KLC1: variants seen among roughly 807,000 people sequenced by gnomAD.
KLC1 encodes kinesin 2 60/70kDa.
KLC1 carries 30 observed loss-of-function variants against 84.2 expected under a neutral mutation model. The observed-to-expected ratio is 0.36, with a 90% CI of 0.27 to 0.48. KLC1 has a LOEUF of 0.48. Ranked by LOEUF, KLC1 falls within the 20% of genes least tolerant of loss-of-function variation. KLC1 has a pLI of 0.99. For missense variants in KLC1, 499 were observed against 805.4 expected (o/e 0.62, Z 4.60); for synonymous variants, 289 against 293.3 (o/e 0.99, Z 0.15).
chr14:103,699,644 T>A, intron 15 of KLC1: 1 of 1,532,464 alleles, frequency 6.5e-7, no homozygotes, highest in Non-Finnish European at 9.0e-7. Context: ...AGACCCCGTT[T>A]GGACTGTCAC....
At position 103,701,221 on chromosome 14, in the gene KLC1, T is replaced by G. The variant is rs376462874; in HGVS notation, c.*22T>G. The stretch of plus-strand genomic sequence containing the variant: ...TGCAGTGACCCCGACCTGGCCCCGC[T>G]CCAGGATGGGACTGCCGAGTGTGGC... On this transcript the variant is annotated 3_prime_UTR_variant, in exon 17 of 17. Transcript: ENST00000334553. 2 of 1,550,460 alleles carry G rather than the reference T, an allele frequency of 1.3e-6. No individual in the cohort carries two copies. Among genetic ancestry groups the G allele is most frequent in the Non-Finnish European group, 1.7e-6 (2 of 1,146,308 alleles).
At chr14:103,670,454 G>C (rs146481975) in intron 7 of KLC1, among the ~76,000 whole-genome samples, 171 bp downstream of exon 7, 4 of 150,520 alleles carry the variant, frequency 2.7e-5, no homozygotes, top group African/African-American at 9.8e-5. Context: ...CTTCTGCCTC[G>C]GCCTTCCAAG....
In KLC1 at chr14:103,701,262, G is replaced by C; in HGVS notation, c.*63G>C. On this transcript the variant is annotated 3_prime_UTR_variant, in exon 17 of 17. Transcript: ENST00000334553. Reference sequence around the variant, plus strand: ...CGAGTGTGGCCCGGAGCTGGCCCGGGACAGCCAGGGCGGCAGGGAGGGCCC... The same window carrying C: ...CGAGTGTGGCCCGGAGCTGGCCCGGCACAGCCAGGGCGGCAGGGAGGGCCC... 4 of 1,535,360 alleles carry C rather than the reference G, an allele frequency of 2.6e-6. No individual in the cohort carries two copies. The highest frequency in any genetic ancestry group is 3.5e-6 in the Non-Finnish European group (4 of 1,136,148).
chr14:103,700,792 C>G, intron 16 of KLC1, 65 bp downstream of exon 16: 5 of 1,323,834 alleles, frequency 3.8e-6, no homozygotes, highest in Non-Finnish European at 4.1e-6. Context: ...TTTGCACATG[C>G]AGGGACTGGG....
chr14:103,668,890 G>C (rs1240126627), intron 5 of KLC1, among the ~76,000 whole-genome samples: 3 of 151,900 alleles, frequency 2.0e-5, no homozygotes, highest in Non-Finnish European at 4.4e-5. Flanking sequence ...CCATTCTCCT[G>C]CCTCAGCCTC....
intron 1 of KLC1, among the ~76,000 whole-genome samples, chr14:103,648,667 G>A (rs1028491437): frequency 2.0e-4 from 30 of 152,132 alleles, no homozygotes; most frequent in Non-Finnish European, 7.4e-5. Flanking sequence ...CAGGCTTGGC[G>A]GCACGCACCT....
intron 1 of KLC1, among the ~76,000 whole-genome samples, chr14:103,651,392 G>GTT (rs35997731): frequency 2.6e-5 from 4 of 151,362 alleles, no homozygotes; most frequent in South Asian, 2.1e-4. Context: ...TAGTTTCTTG[G>GTT]TTTTTTTTTA....
chr14:103,673,081 A>G lies in KLC1; in HGVS notation c.1055A>G (p.Gln352Arg), dbSNP rs776566685. The change falls in exon 8 of 17, where the codon CAG becomes CGG. Residue 352 changes from glutamine (Q) to arginine (R), a missense_variant. Transcript: ENST00000334553. Reference protein sequence around the residue: ...LNNLALLCQNQGKYEEVEYYY... With the variant: ...LNNLALLCQNRGKYEEVEYYY... Reference sequence around the variant, plus strand: ...AACTTGGCCTTACTGTGCCAGAACCAGGGCAAGTATGAAGAAGTAGAATAT... The same window carrying G: ...AACTTGGCCTTACTGTGCCAGAACCGGGGCAAGTATGAAGAAGTAGAATAT... 1.2e-6 allele frequency: 2 copies of G among 1,614,098 alleles called. No individual in the cohort carries two copies.
intron 13 of KLC1, among the ~76,000 whole-genome samples, chr14:103,681,255 T>C (rs1407686947): frequency 1.3e-5 from 2 of 152,152 alleles, no homozygotes; most frequent in South Asian, 2.1e-4. Context: ...AATTATCCAG[T>C]GCAGTGGTTC....
At position 103,670,119 on chromosome 14, in the gene KLC1, G is replaced by T. The variant is rs1015494951; in HGVS notation, c.886-63G>T. 4.8e-6 allele frequency: 5 copies of T among 1,051,684 alleles called. No homozygotes were observed. The African/African-American group carries it at 1.1e-4, about 24-fold the overall frequency. The allele number at this position is 1,051,684 out of a possible 1,614,324, so 65.1% of individuals were successfully genotyped here. A position where few individuals can be genotyped will look rare whatever the true frequency, so the allele number is the denominator to read the frequency against. ...GATTGAATATAAATGAATATGTGGT[G>T]TATAAATGTACTCTTATTTGGTTAT... On this transcript the variant is annotated intron_variant, in intron 6 of 16. Coordinates refer to ENST00000334553, the MANE Select transcript of KLC1 (RefSeq NM_001394837.1).
In KLC1 at chr14:103,694,775, G is replaced by C; in HGVS notation, c.1848+2350G>C. Reference sequence around the variant, plus strand: ...CAGAGGCTCACACTTGTCACCTTCAGCCTCTAGAAGCTCCCCGTGGGGCAC... The same window carrying C: ...CAGAGGCTCACACTTGTCACCTTCACCCTCTAGAAGCTCCCCGTGGGGCAC... On this transcript the variant is annotated intron_variant, in intron 15 of 16. Transcript: ENST00000334553. The surrounding 1 kb of genome is among the most constrained non-coding windows in gnomAD (Gnocchi z 4.5). 2.0e-6 allele frequency: 2 copies of C among 985,492 alleles called. No homozygotes were observed. Among genetic ancestry groups the C allele is most frequent in the Non-Finnish European group, 2.4e-6 (2 of 829,948 alleles). 61.0% of individuals were successfully genotyped at this position (985,492 alleles called of 1,614,324 possible).
At position 103,687,174 on chromosome 14, in the gene KLC1, G is replaced by C; in HGVS notation, c.1744G>C (p.Gly582Arg). The change falls in exon 14 of 17, where the codon GGA (glycine) becomes CGA (arginine). Residue 582 changes from glycine to arginine, a missense_variant. Physicochemically the swap from Gly to Arg is moderately radical, Grantham distance 125 (BLOSUM62 -2). This residue lies in a region of KLC1 where 167 missense variants were observed against 208.8 expected (regional missense o/e 0.80). Transcript: ENST00000334553. The stretch of plus-strand genomic sequence containing the variant: ...TGAGAAGCTGGTTAGGAAGCTGAAG[G>C]GAGGAAGTTCACGAGAGAGTGAGCC... ...SSEKLVRKLK[G>R]GSSRESEPKN... is the part of the protein sequence containing the mutation. 6.5e-7 allele frequency: 1 copy of C among 1,548,768 alleles called. No individual in the cohort carries two copies. Among genetic ancestry groups the C allele is most frequent in the African/African-American group, 1.4e-5 (1 of 73,080 alleles).
At chr14:103,646,668 C>T (rs1455307767) in intron 1 of KLC1, among the ~76,000 whole-genome samples, 2 of 151,770 alleles carry the variant, frequency 1.3e-5, no homozygotes, top group Admixed American at 6.6e-5. Flanking sequence ...AAAGATGGGA[C>T]CCCTCTATGT....
At position 103,679,499 on chromosome 14, in the gene KLC1, G is replaced by T; in HGVS notation, c.1604G>T (p.Gly535Val). Residue 535 changes from glycine to valine, a missense_variant, in exon 13 of 17, where the codon GGC becomes GTC. Gly to Val is a moderately radical substitution (Grantham distance 109, BLOSUM62 -3). Transcript: ENST00000334553. ...GTGGACGTGGTCAAGTACGAGAGTG[G>T]CCCTGACGGAGGGGAGGAAGTGAGT... ...LNVDVVKYES[G>V]PDGGEEVSMS... 5.0e-6 allele frequency: 8 copies of T among 1,614,062 alleles called. No homozygotes were observed. Among genetic ancestry groups the T allele is most frequent in the Non-Finnish European group, 6.8e-6 (8 of 1,179,952 alleles).
intron 1 of KLC1, among the ~76,000 whole-genome samples, chr14:103,636,461 C>A (rs931719453): frequency 5.9e-5 from 9 of 152,236 alleles, no homozygotes; most frequent in Non-Finnish European, 8.8e-5. Flanking sequence ...CTCAGGTGAT[C>A]ACCCCCCATC....
chr14:103,661,494 A>G (rs1309996388), intron 3 of KLC1, among the ~76,000 whole-genome samples: 1 of 152,134 alleles, frequency 6.6e-6, no homozygotes. Flanking sequence ...TCTTTATCAC[A>G]TTTTCCCTTC....
At chr14:103,651,051 C>A (rs951441636) in intron 1 of KLC1, among the ~76,000 whole-genome samples, 3 of 152,046 alleles carry the variant, frequency 2.0e-5, no homozygotes, top group Non-Finnish European at 4.4e-5. Context: ...GCTCTGTCGC[C>A]CAGGCTGGAG....
chr14:103,636,861 T>C (rs2077083274), intron 1 of KLC1, among the ~76,000 whole-genome samples: 1 of 151,932 alleles, frequency 6.6e-6, no homozygotes, highest in Non-Finnish European at 1.5e-5. Flanking sequence ...TAGCTGGGAC[T>C]ACAGGCGCCT....
In KLC1 at chr14:103,694,452, G is replaced by A. The variant is rs2082306585; in HGVS notation, c.1848+2027G>A. On this transcript the variant is annotated intron_variant, in intron 15 of 16. Coordinates refer to ENST00000334553, the MANE Select transcript of KLC1 (RefSeq NM_001394837.1). The surrounding 1 kb of genome is among the most constrained non-coding windows in gnomAD (Gnocchi z 4.5). ...TCGAGACCATCCTGGCTAACATGGC[G>A]TTTCACTTTTTAAAAGCTTAAGCTT... 5.1e-6 allele frequency: 5 copies of A among 985,256 alleles called. No homozygotes were observed. Among genetic ancestry groups the A allele is most frequent in the African/African-American group, 1.7e-5 (1 of 57,198 alleles). The allele number at this position is 985,256 out of a possible 1,614,324, so 61.0% of individuals were successfully genotyped here.
Sources: allele counts gnomAD v4.1 joint callset (sites outside exome capture counted in the v4.1 genomes callset), GRCh38; gene constraint gnomAD v4.1.1; regional missense constraint gnomAD v4.1.1; non-coding constraint Gnocchi (gnomAD v3.1); transcripts MANE v1.5; gene names NCBI Gene and HGNC (gene_info 2026-07-23, HGNC 2026-07-21).